Variants in PPP1R9A observed in about 807,000 individuals in gnomAD.
PPP1R9A encodes the protein protein phosphatase 1 regulatory subunit 9A.
In PPP1R9A, 59 loss-of-function variants were observed where a neutral mutation model predicts 141.9. The ratio of observed to expected loss-of-function variants is 0.42; its 90% confidence interval spans 0.34 to 0.52. The LOEUF is 0.52. PPP1R9A is among the 20% of genes least tolerant of loss of function. The pLI, the probability that PPP1R9A is intolerant of heterozygous loss-of-function variation, is 0.10. For missense variants in PPP1R9A, 1,444 were observed against 1,611.9 expected, an observed-to-expected ratio of 0.90 and a Z score of 1.78; for synonymous variants, 500 against 569.7, an observed-to-expected ratio of 0.88 and a Z score of 1.74.
chr7:95,082,124 C>T (rs529736794), intron 2 of PPP1R9A, among the ~76,000 whole-genome samples: 168 of 152,060 alleles, frequency 1.1e-3, no homozygotes, highest in African/African-American at 3.9e-3. Flanking sequence ...TTTTTTGGGG[C>T]GAGGTGTGAA....
intron 2 of PPP1R9A, among the ~76,000 whole-genome samples, chr7:94,962,796 A>G (rs1450972463): frequency 6.6e-6 from 1 of 152,114 alleles, no homozygotes; most frequent in East Asian, 1.9e-4. Flanking sequence ...TGACTTGAGC[A>G]TGAAAGGACT....
At chr7:95,207,246 AAAAT>A (rs1050690278) in intron 7 of PPP1R9A, among the ~76,000 whole-genome samples, 29 of 152,242 alleles carry the variant, frequency 1.9e-4, no homozygotes, top group Admixed American at 7.8e-4. Flanking sequence ...GAGAAGAAAG[AAAAT>A]AAATATAAGG....
intron 2 of PPP1R9A, among the ~76,000 whole-genome samples, chr7:94,944,430 A>G (rs1343517918): frequency 2.0e-5 from 3 of 151,660 alleles, no homozygotes. Flanking sequence ...GTTTGTGACT[A>G]TAGTAGAAAT....
At chr7:95,231,908 T>C (rs1319528313) in intron 8 of PPP1R9A, among the ~76,000 whole-genome samples, 1 of 151,582 alleles carries the variant, frequency 6.6e-6, no homozygotes, top group Non-Finnish European at 1.5e-5. Context: ...CAAAACTAAA[T>C]CAAATTGAAA....
At chr7:95,264,384 G>T (rs570066233) in intron 12 of PPP1R9A, among the ~76,000 whole-genome samples, 1 of 152,018 alleles carries the variant, frequency 6.6e-6, no homozygotes, top group African/African-American at 2.4e-5. Flanking sequence ...TAGTTCCCTC[G>T]CTGCCTGTAT....
chr7:94,947,279 A>G (rs963827028), intron 2 of PPP1R9A, among the ~76,000 whole-genome samples: 4 of 152,138 alleles, frequency 2.6e-5, no homozygotes, highest in Non-Finnish European at 5.9e-5. Context: ...ATCAAGCTCC[A>G]GAATTGCTGC....
At chr7:94,932,875 T>C (rs1280883645) in intron 2 of PPP1R9A, among the ~76,000 whole-genome samples, 1 of 150,328 alleles carries the variant, frequency 6.7e-6, no homozygotes, top group African/African-American at 2.5e-5. Context: ...AGACAGATGG[T>C]TGGGAGTGCA....
intron 3 of PPP1R9A, among the ~76,000 whole-genome samples, chr7:95,116,301 C>T (rs957649181): frequency 5.3e-5 from 8 of 151,998 alleles, no homozygotes; most frequent in Admixed American, 5.2e-4. Context: ...TGAAAAGCAT[C>T]ATCTTTTGCT....
At chr7:95,069,599 C>A (rs1813475098) in intron 2 of PPP1R9A, among the ~76,000 whole-genome samples, 1 of 152,036 alleles carries the variant, frequency 6.6e-6, no homozygotes, top group African/African-American at 2.4e-5. Context: ...TATTTGTTTG[C>A]AGTTACTTGC....
intron 2 of PPP1R9A, among the ~76,000 whole-genome samples, chr7:95,062,418 A>ATTT (rs576031319): frequency 2.9e-5 from 4 of 138,588 alleles, no homozygotes; most frequent in Non-Finnish European, 6.3e-5. Flanking sequence ...AGATTAGGGA[A>ATTT]TTTTTTTTTT....
intron 2 of PPP1R9A, among the ~76,000 whole-genome samples, chr7:94,930,232 T>C (rs1185495069): frequency 6.6e-6 from 1 of 152,192 alleles, no homozygotes; most frequent in Non-Finnish European, 1.5e-5. Context: ...GGCAGCATGA[T>C]GGGGGAGCCC....
chr7:95,244,853 A>G (rs1419735061), intron 8 of PPP1R9A, among the ~76,000 whole-genome samples: 1 of 152,170 alleles, frequency 6.6e-6, no homozygotes, highest in Non-Finnish European at 1.5e-5. Context: ...TAAGTGCTTT[A>G]TATGGGTTTT....
intron 2 of PPP1R9A, among the ~76,000 whole-genome samples, chr7:95,096,861 G>A (rs760032994): frequency 1.1e-4 from 16 of 151,954 alleles, no homozygotes; most frequent in Non-Finnish European, 2.1e-4. Flanking sequence ...GTTTGCTCAC[G>A]CTAACCATTG....
chr7:95,101,756 G>C (rs1818824777), intron 2 of PPP1R9A, among the ~76,000 whole-genome samples: 2 of 152,180 alleles, frequency 1.3e-5, no homozygotes, highest in African/African-American at 4.8e-5. Flanking sequence ...ACAGAAGTGA[G>C]CTTACTATTT....
intron 2 of PPP1R9A, among the ~76,000 whole-genome samples, chr7:95,037,332 C>T (rs866355915): frequency 2.0e-5 from 3 of 151,834 alleles, no homozygotes; most frequent in African/African-American, 4.8e-5. Flanking sequence ...ATTGATTCTC[C>T]TTGTTTTCTG....
chr7:95,165,202 T>G (rs1831059872), intron 5 of PPP1R9A, among the ~76,000 whole-genome samples: 1 of 152,240 alleles, frequency 6.6e-6, no homozygotes, highest in Non-Finnish European at 1.5e-5. Context: ...TCTTTTGGGT[T>G]TTCTACTGTA....
intron 2 of PPP1R9A, among the ~76,000 whole-genome samples, chr7:94,985,623 T>C (rs1238015818): frequency 1.3e-5 from 2 of 152,200 alleles, no homozygotes; most frequent in Non-Finnish European, 2.9e-5. Context: ...AAAATCTGTT[T>C]TATCAGAGAC....
At chr7:95,203,231 A>T (rs1475505430) in intron 6 of PPP1R9A, among the ~76,000 whole-genome samples, 1 of 151,842 alleles carries the variant, frequency 6.6e-6, no homozygotes. Flanking sequence ...ATGGTTTTTT[A>T]TTGCTTGTGT....
chr7:95,233,203 C>G (rs889206893), intron 8 of PPP1R9A, among the ~76,000 whole-genome samples: 10 of 152,062 alleles, frequency 6.6e-5, no homozygotes, highest in Non-Finnish European at 1.2e-4. Flanking sequence ...AAAAGGATGA[C>G]TTAATGTCCT....
Sources: allele counts gnomAD v4.1 joint callset (sites outside exome capture counted in the v4.1 genomes callset), GRCh38; gene constraint gnomAD v4.1.1; transcripts MANE v1.5; gene names NCBI Gene and HGNC (gene_info 2026-07-23, HGNC 2026-07-21).